Variants in RSBN1L observed in about 807,000 individuals in gnomAD.
RSBN1L encodes lysine-specific demethylase RSBN1L.
A neutral mutation model predicts 67.7 loss-of-function variants in RSBN1L; 30 were observed. The ratio of observed to expected loss-of-function variants is 0.44; its 90% confidence interval spans 0.33 to 0.60. The LOEUF is 0.60. Ranked by LOEUF, RSBN1L falls within the 20% of genes least tolerant of loss-of-function variation. The probability of loss-of-function intolerance (pLI) is 0.02; values close to 1 mark genes in which losing one functional copy is unlikely to be tolerated. For missense variants in RSBN1L, 992 were observed against 1,031.7 expected (o/e 0.96, Z 0.53); for synonymous variants, 433 against 387.0 (o/e 1.12, Z -1.39).
At chr7:77,721,726 G>A (rs1791122326) in intron 1 of RSBN1L, among the ~76,000 whole-genome samples, 1 of 152,174 alleles carries the variant, frequency 6.6e-6, no homozygotes, top group African/African-American at 2.4e-5. Flanking sequence ...TGAAGAAAAG[G>A]CTAAAAGAAG....
chr7:77,768,782 A>G lies in RSBN1L; in HGVS notation c.1604A>G (p.Lys535Arg). 6.2e-7 allele frequency: 1 copy of G among 1,614,134 alleles called. No homozygotes were observed. Among genetic ancestry groups the G allele is most frequent in the East Asian group, 2.2e-5 (1 of 44,866 alleles). Residue 535 changes from lysine to arginine, a missense_variant, in exon 5 of 8, where the codon AAG becomes AGG. Coordinates refer to ENST00000334955, the MANE Select transcript of RSBN1L (RefSeq NM_198467.3). ...ATGATCCCTGTGGCTGATATGCCAA[A>G]GTCACCTTTCAAAAGGAAAAGGTAT... is the stretch of plus-strand genomic sequence containing the variant. ...EQMIPVADMP[K>R]SPFKRKRTTN...
intron 1 of RSBN1L, among the ~76,000 whole-genome samples, chr7:77,719,203 A>G (rs534440638): frequency 5.1e-4 from 78 of 152,338 alleles, no homozygotes; most frequent in African/African-American, 1.8e-3. Flanking sequence ...GCACATTCCA[A>G]TTGAATTAAG....
At chr7:77,721,028 C>T (rs1040050917) in intron 1 of RSBN1L, among the ~76,000 whole-genome samples, 4 of 152,034 alleles carry the variant, frequency 2.6e-5, no homozygotes, top group African/African-American at 7.2e-5. Context: ...AGCGGTGAGC[C>T]ACCGTGCCCA....
intron 3 of RSBN1L, among the ~76,000 whole-genome samples, chr7:77,753,564 C>G (rs2150427254): frequency 6.6e-6 from 1 of 152,200 alleles, no homozygotes; most frequent in South Asian, 2.1e-4. Context: ...GGTGTCTTAC[C>G]TTTTCACTCA....
intron 1 of RSBN1L, among the ~76,000 whole-genome samples, chr7:77,726,316 A>G (rs916818913): frequency 5.3e-5 from 8 of 152,124 alleles, no homozygotes; most frequent in African/African-American, 1.7e-4. Flanking sequence ...ACATTTAATC[A>G]TCATGTCTCG....
At chr7:77,700,425 A>G (rs1479172219) in intron 1 of RSBN1L, among the ~76,000 whole-genome samples, 1 of 152,238 alleles carries the variant, frequency 6.6e-6, no homozygotes, top group Non-Finnish European at 1.5e-5. Context: ...GTATTTCAAG[A>G]CAAAACCAGA....
intron 1 of RSBN1L, among the ~76,000 whole-genome samples, chr7:77,722,185 T>G (rs1791128737): frequency 6.6e-6 from 1 of 152,164 alleles, no homozygotes; most frequent in Non-Finnish European, 1.5e-5. Flanking sequence ...TATTTTGGTG[T>G]TAAATATTAT....
chr7:77,697,031 G>A lies in RSBN1L; in HGVS notation c.562G>A (p.Gly188Arg). Residue 188 changes from glycine (G) to arginine (R), a missense_variant, in exon 1 of 8, where the codon GGG becomes AGG. By Grantham distance (125) the Gly-to-Arg change is moderately radical. Coordinates refer to ENST00000334955, the MANE Select transcript of RSBN1L (RefSeq NM_198467.3). Reference protein sequence around the residue: ...EAGGASREENGEVKPLPRDKI... With the variant: ...EAGGASREENREVKPLPRDKI... The stretch of plus-strand genomic sequence containing the variant: ...CGGCGGGGCCTCCCGGGAGGAGAAC[G>A]GGGAGGTGAAGCCGCTGCCCCGAGG... 1 of 1,515,072 alleles carries A rather than the reference G, an allele frequency of 6.6e-7. No individual in the cohort carries two copies. Among genetic ancestry groups the A allele is most frequent in the Middle Eastern group, 2.2e-4 (1 of 4,532 alleles). 93.9% of individuals were successfully genotyped at this position (1,515,072 alleles called of 1,614,324 possible). A position where few individuals can be genotyped will look rare whatever the true frequency, so the allele number is the denominator to read the frequency against.
intron 3 of RSBN1L, chr7:77,759,611 G>A (rs1275695784): frequency 6.6e-6 from 1 of 152,042 alleles, no homozygotes; most frequent in Non-Finnish European, 1.5e-5. Flanking sequence ...TGAATCAACA[G>A]CTTCTGCTCC....
chr7:77,749,918 G>A lies in RSBN1L; in HGVS notation c.1198G>A (p.Val400Met), dbSNP rs190903948. The A allele has an allele frequency of 4.3e-6, 7 of 1,614,104 alleles. No homozygotes were observed. The highest frequency in any genetic ancestry group is 5.1e-6 in the Non-Finnish European group (6 of 1,180,010). ...SENENSAAFY[V>M]MGIVHGAATY... ...AAATGAAAACTCTGCAGCTTTCTAC[G>A]TGATGGGTATTGTTCATGGGGCAGC... The change falls in exon 3 of 8, where the codon GTG (valine) becomes ATG (methionine). Residue 400 changes from valine (V) to methionine (M), a missense_variant. By Grantham distance (21) the Val-to-Met change is conservative. Around this residue, in one of 7 missense-constraint regions of RSBN1L, gnomAD observed 63 missense variants for 84.8 expected, o/e 0.74. Transcript: ENST00000334955.
chr7:77,769,464 G>A (rs6961117), intron 5 of RSBN1L, among the ~76,000 whole-genome samples: 16,358 of 152,196 alleles, frequency 0.11, 1,291 homozygotes, highest in African/African-American at 0.21. Context: ...CAAAGGCAGA[G>A]CCCCTACCTC....
chr7:77,754,099 A>G (rs1791588367), intron 3 of RSBN1L, among the ~76,000 whole-genome samples: 1 of 152,176 alleles, frequency 6.6e-6, no homozygotes, highest in African/African-American at 2.4e-5. Context: ...GTGCAATGGT[A>G]CGATCATAGT....
At chr7:77,755,304 T>A (rs529379301) in intron 3 of RSBN1L, among the ~76,000 whole-genome samples, 17 of 152,318 alleles carry the variant, frequency 1.1e-4, no homozygotes, top group South Asian at 4.1e-4. Flanking sequence ...CTCCTCAACT[T>A]ACGCTAGGGC....
chr7:77,754,457 A>AT (rs1392990623), intron 3 of RSBN1L, among the ~76,000 whole-genome samples: 4 of 152,070 alleles, frequency 2.6e-5, no homozygotes, highest in Non-Finnish European at 4.4e-5. Context: ...TGTCAGTAAT[A>AT]TTTTTTGGTT....
intron 2 of RSBN1L, among the ~76,000 whole-genome samples, chr7:77,747,575 T>C (rs989619625): frequency 2.0e-5 from 3 of 152,228 alleles, no homozygotes; most frequent in Admixed American, 1.3e-4. Flanking sequence ...TATGTGGTAT[T>C]AAGCCTGCCA....
At chr7:77,700,884 C>T (rs1300119813) in intron 1 of RSBN1L, among the ~76,000 whole-genome samples, 2 of 151,924 alleles carry the variant, frequency 1.3e-5, no homozygotes, top group African/African-American at 4.8e-5. Flanking sequence ...GGGCCGGGCG[C>T]GGTGGCTCAC....
Position 77,760,732 on chromosome 7 carries a change from A to G in RSBN1L, c.1345-4763A>G, listed in dbSNP as rs373998376. 3.0e-4 allele frequency among the ~76,000 whole-genome samples: 45 copies of G among 152,276 alleles called. 2 individuals are homozygous for G. The East Asian group carries it at 5.4e-3, about 18-fold the overall frequency. Reference sequence around the variant, plus strand: ...GCTGCAACCTCCGCCTCCTGGGTTCAAGCATTCTCGTGCCTCACTCAGCCT... The same window carrying G: ...GCTGCAACCTCCGCCTCCTGGGTTCGAGCATTCTCGTGCCTCACTCAGCCT... On this transcript the variant is annotated intron_variant, in intron 3 of 7. Coordinates refer to ENST00000334955, the MANE Select transcript of RSBN1L (RefSeq NM_198467.3).
At chr7:77,744,731 T>G (rs1791459338) in intron 2 of RSBN1L, among the ~76,000 whole-genome samples, 2 of 152,226 alleles carry the variant, frequency 1.3e-5, no homozygotes, top group South Asian at 4.2e-4. Context: ...GATAGACTCT[T>G]TAGAGAATTA....
chr7:77,727,715 C>T (rs753117118), intron 1 of RSBN1L, among the ~76,000 whole-genome samples: 15 of 151,958 alleles, frequency 9.9e-5, no homozygotes, highest in Non-Finnish European at 2.1e-4. Flanking sequence ...CACCTCGTGC[C>T]TGAGCCTCCC....
Sources: allele counts gnomAD v4.1 joint callset (sites outside exome capture counted in the v4.1 genomes callset), GRCh38; gene constraint gnomAD v4.1.1; regional missense constraint gnomAD v4.1.1; transcripts MANE v1.5; gene names NCBI Gene and HGNC (gene_info 2026-07-23, HGNC 2026-07-21).